LCORL: variants seen among roughly 807,000 people sequenced by gnomAD.
LCORL encodes ligand dependent nuclear receptor corepressor like, also known as ligand-dependent nuclear receptor corepressor-like protein.
Under a neutral mutation model 141.8 loss-of-function variants are expected in LCORL, and 41 were observed. The observed-to-expected ratio is 0.29, with a 90% CI of 0.23 to 0.38. LCORL has a LOEUF of 0.38. Among genes scored for constraint, LCORL ranks in the 10% least tolerant of loss-of-function variants. The pLI is 1.00. For missense variants in LCORL, 1,759 were observed against 2,035.0 expected, an observed-to-expected ratio of 0.86 and a Z score of 2.61; for synonymous variants, 618 against 694.1, an observed-to-expected ratio of 0.89 and a Z score of 1.72.
chr4:17,884,318 T>G lies in LCORL; in HGVS notation c.776+1750A>C, dbSNP rs1404790741. 6.5e-7 allele frequency: 1 copy of G among 1,548,614 alleles called. No homozygotes were observed. Among genetic ancestry groups the G allele is most frequent in the South Asian group, 1.2e-5 (1 of 83,758 alleles). On this transcript the variant is annotated intron_variant, in intron 6 of 7. Coordinates refer to ENST00000635767, the Ensembl canonical transcript of LCORL. The surrounding 1 kb of genome is among the most constrained non-coding windows in gnomAD (Gnocchi z 4.4). ...TAACTGTACAGTAGGATTTGAAGTT[T>G]CATATTGGAGGCTTTCATTTTTTTC...
chr4:17,995,262 G>A (rs1285492771), intron 1 of LCORL, among the ~76,000 whole-genome samples: 1 of 144,804 alleles, frequency 6.9e-6, no homozygotes. Context: ...TATGTCAGAT[G>A]TATTTTCTGC....
chr4:17,926,089 A>G (rs1735101341), intron 4 of LCORL, among the ~76,000 whole-genome samples: 1 of 152,164 alleles, frequency 6.6e-6, no homozygotes, highest in Non-Finnish European at 1.5e-5. Flanking sequence ...TATGTTAGGC[A>G]TAATTATTAC....
chr4:17,873,484 T>G (rs1726589790), exon 7 of LCORL: 1 of 1,233,636 alleles, frequency 8.1e-7, no homozygotes, highest in Non-Finnish European at 1.0e-6. Flanking sequence ...CATGGTGGTC[T>G]TTTTCTTTTG....
At chr4:17,977,834 T>A (rs911340109) in intron 1 of LCORL, among the ~76,000 whole-genome samples, 4 of 152,178 alleles carry the variant, frequency 2.6e-5, no homozygotes, top group Admixed American at 1.3e-4. Context: ...ATTTTCTTTA[T>A]CCCAAGGATG....
intron 5 of LCORL, among the ~76,000 whole-genome samples, chr4:17,907,899 T>C (rs1466467549): frequency 1.3e-5 from 2 of 152,220 alleles, no homozygotes; most frequent in African/African-American, 4.8e-5. Flanking sequence ...ATCTGTCAGA[T>C]ATTGTCACAT....
intron 7 of LCORL, among the ~76,000 whole-genome samples, chr4:17,866,161 C>T (rs1249960689): frequency 1.3e-5 from 2 of 152,150 alleles, no homozygotes; most frequent in Non-Finnish European, 2.9e-5. Flanking sequence ...GAATCCCACA[C>T]CTCAGCATTT....
At chr4:17,844,517 A>G (rs1722734910) in exon 8 of LCORL, 1 of 152,438 alleles carries the variant, frequency 6.6e-6, no homozygotes, top group Non-Finnish European at 1.5e-5. Context: ...TTATAAAAGG[A>G]GTCAAAGTTT....
intron 5 of LCORL, among the ~76,000 whole-genome samples, chr4:17,895,560 C>T (rs985909432): frequency 6.6e-6 from 1 of 152,152 alleles, no homozygotes; most frequent in Non-Finnish European, 1.5e-5. Flanking sequence ...ATTCATCTGT[C>T]GATGGACATT....
chr4:17,923,111 T>C (rs11938781), intron 4 of LCORL, among the ~76,000 whole-genome samples: 33,278 of 152,064 alleles, frequency 0.22, 4,175 homozygotes, highest in African/African-American at 0.34. Flanking sequence ...TGATGAGGTG[T>C]GCTACACTCC....
At chr4:18,016,331 G>A (rs1273243750) in intron 1 of LCORL, among the ~76,000 whole-genome samples, 1 of 152,140 alleles carries the variant, frequency 6.6e-6, no homozygotes, top group Non-Finnish European at 1.5e-5. Context: ...CTGCTAAGTG[G>A]TAACAACAGG....
chr4:17,932,668 G>C (rs765533365), intron 4 of LCORL, among the ~76,000 whole-genome samples: 2 of 152,112 alleles, frequency 1.3e-5, no homozygotes, highest in East Asian at 1.9e-4. Context: ...GACATACGTG[G>C]CCCATCATCA....
intron 5 of LCORL, among the ~76,000 whole-genome samples, chr4:17,892,964 G>C (rs1451956034): frequency 6.6e-6 from 1 of 152,152 alleles, no homozygotes; most frequent in African/African-American, 2.4e-5. Flanking sequence ...CATAGTGGAA[G>C]ACTTTAGATT....
intron 7 of LCORL, among the ~76,000 whole-genome samples, chr4:17,853,309 G>A (rs912864471): frequency 6.6e-6 from 1 of 152,048 alleles, no homozygotes; most frequent in Non-Finnish European, 1.5e-5. Context: ...ATGGTTTATA[G>A]GTTTCAAACA....
intron 5 of LCORL, among the ~76,000 whole-genome samples, chr4:17,889,422 TTC>T (rs1363607082): frequency 1.3e-5 from 2 of 152,118 alleles, no homozygotes; most frequent in Admixed American, 6.6e-5. Context: ...TACTCCATAT[TTC>T]TGTCACATTG....
intron 4 of LCORL, among the ~76,000 whole-genome samples, chr4:17,957,928 A>G (rs1041620974): frequency 1.3e-5 from 2 of 152,006 alleles, no homozygotes; most frequent in Non-Finnish European, 2.9e-5. Context: ...TACATAGTCA[A>G]TCAAGGATGT....
intron 7 of LCORL, among the ~76,000 whole-genome samples, chr4:17,847,911 G>GT (rs1723123725): frequency 6.6e-6 from 1 of 152,158 alleles, no homozygotes; most frequent in Non-Finnish European, 1.5e-5. Flanking sequence ...GGCAAGTATA[G>GT]TAAGTATTAA....
chr4:17,842,359 T>C, exon 8 of LCORL: 1 of 1,612,222 alleles, frequency 6.2e-7, no homozygotes, highest in East Asian at 2.2e-5. Flanking sequence ...GGTGTCAGAC[T>C]GCTGAAGCCG....
chr4:17,905,501 TTGTC>T (rs1488026600), intron 5 of LCORL, among the ~76,000 whole-genome samples: 1 of 152,090 alleles, frequency 6.6e-6, no homozygotes, highest in Non-Finnish European at 1.5e-5. Flanking sequence ...TTTGCTATCT[TTGTC>T]TGGTTTTCGT....
At chr4:17,939,400 A>G (rs892490775) in intron 4 of LCORL, among the ~76,000 whole-genome samples, 3 of 152,182 alleles carry the variant, frequency 2.0e-5, no homozygotes, top group Non-Finnish European at 4.4e-5. Context: ...GATAATATAA[A>G]TAGGTTTTAT....
Sources: gnomAD v4.1 joint callset for allele counts (sites outside exome capture counted in the v4.1 genomes callset) on GRCh38, gnomAD v4.1.1 for gene constraint, Gnocchi (gnomAD v3.1) non-coding constraint, MANE v1.5 for transcripts, NCBI Gene and HGNC (gene_info 2026-07-23, HGNC 2026-07-21) for gene names.